CABIN1: variants seen among roughly 807,000 people sequenced by gnomAD.
CABIN1 encodes calcineurin binding protein 1.
CABIN1 carries 133 observed loss-of-function variants against 227.7 expected under a neutral mutation model. That is an observed-to-expected ratio of 0.58 (90% CI 0.51 to 0.67). The LOEUF (loss-of-function observed/expected upper bound fraction) is 0.67, where lower values mean the gene tolerates loss of function less well. Ranked by LOEUF, CABIN1 falls within the 30% of genes least tolerant of loss-of-function variation. The pLI is 0.00. For missense variants in CABIN1, 2,408 were observed against 2,852.5 expected, an observed-to-expected ratio of 0.84 and a Z score of 3.55; for synonymous variants, 1,086 against 1,155.1, an observed-to-expected ratio of 0.94 and a Z score of 1.21.
At chr22:24,106,055 C>T (rs1004483882) in intron 26 of CABIN1, among the ~76,000 whole-genome samples, 6 of 152,230 alleles carry the variant, frequency 3.9e-5, no homozygotes, top group Non-Finnish European at 8.8e-5. Context: ...TCCCTCTCCA[C>T]ACATACTCAA....
intron 1 of CABIN1, among the ~76,000 whole-genome samples, chr22:24,013,070 T>G (rs1316880525): frequency 1.4e-5 from 2 of 147,584 alleles, no homozygotes; most frequent in Non-Finnish European, 3.0e-5. Context: ...CTCAATAGCT[T>G]TTTTTTTTTT....
chr22:24,033,615 G>A (rs1463441548), intron 1 of CABIN1, among the ~76,000 whole-genome samples: 1 of 152,096 alleles, frequency 6.6e-6, no homozygotes, highest in African/African-American at 2.4e-5. Context: ...GACGTATTTG[G>A]TAGTGTCCAT....
intron 29 of CABIN1, among the ~76,000 whole-genome samples, chr22:24,141,153 A>G (rs1182373497): frequency 1.3e-5 from 2 of 152,206 alleles, no homozygotes; most frequent in Non-Finnish European, 2.9e-5. Flanking sequence ...GAGCAGGAGG[A>G]GCTCCAACTC....
rs534384469 is a variant in CABIN1, at chr22:24,063,140, G to A, written c.1878G>A (p.Ala626=). Residue 626 remains alanine, a synonymous_variant, in exon 14 of 37, where the codon GCG becomes GCA. Coordinates refer to ENST00000263119, the MANE Select transcript of CABIN1 (RefSeq NM_012295.4). ...ACTGGCTGAAGGCTCGCTTCCTGGC[G>A]CTGCAGGTTAGTTCCATGGTCAGCT... ...RVYWLKARFL[A]LQGDMEQALE... is the part of the protein sequence containing the mutation. 14 of 1,614,080 alleles carry A rather than the reference G, an allele frequency of 8.7e-6. No individual in the cohort carries two copies. The South Asian group carries it at 1.3e-4, about 15-fold the overall frequency.
chr22:24,041,419 A>C, intron 5 of CABIN1, 146 bp downstream of exon 5: 1 of 1,019,042 alleles, frequency 9.8e-7, no homozygotes, highest in Non-Finnish European at 1.5e-6. Flanking sequence ...GTAGGTCCAT[A>C]GGTGATAACA....
At chr22:24,097,878 A>G (rs2041985819) in intron 25 of CABIN1, 136 bp from the exon 26 acceptor site, 1 of 1,099,412 alleles carries the variant, frequency 9.1e-7, no homozygotes, top group Non-Finnish European at 1.4e-6. Flanking sequence ...CTGTGACACC[A>G]GGCAGATGGG....
intron 25 of CABIN1, among the ~76,000 whole-genome samples, chr22:24,097,397 A>G (rs1379380498): frequency 6.6e-6 from 1 of 152,234 alleles, no homozygotes; most frequent in Non-Finnish European, 1.5e-5. Flanking sequence ...AATGAACTAC[A>G]GAAGGTATTG....
intron 29 of CABIN1, among the ~76,000 whole-genome samples, chr22:24,156,937 G>A (rs1372629490): frequency 6.6e-6 from 1 of 152,184 alleles, no homozygotes; most frequent in Admixed American, 6.5e-5. Context: ...CTGGAAACGA[G>A]CGGGCGCCAG....
chr22:24,146,662 G>A (rs1276504013), intron 29 of CABIN1, among the ~76,000 whole-genome samples: 1 of 152,186 alleles, frequency 6.6e-6, no homozygotes, highest in Non-Finnish European at 1.5e-5. Flanking sequence ...TTCACAGTTA[G>A]AATTTTTAAA....
chr22:24,044,457 C>G (rs1370482224), intron 6 of CABIN1, among the ~76,000 whole-genome samples: 7 of 152,194 alleles, frequency 4.6e-5, no homozygotes, highest in African/African-American at 1.4e-4. Flanking sequence ...AATTGTTGGT[C>G]AGTCACACTC....
chr22:24,069,340 A>G (rs769160920), intron 16 of CABIN1, among the ~76,000 whole-genome samples: 1 of 151,954 alleles, frequency 6.6e-6, no homozygotes, highest in Non-Finnish European at 1.5e-5. Flanking sequence ...CTGAGTTCCC[A>G]TTATTTCTTG....
intron 33 of CABIN1, among the ~76,000 whole-genome samples, chr22:24,170,821 G>C (rs989459746): frequency 6.6e-6 from 1 of 151,730 alleles, no homozygotes; most frequent in African/African-American, 2.4e-5. Context: ...ACTCGAGGGG[G>C]TGGGGATGGG....
At position 24,123,550 on chromosome 22, in the gene CABIN1, A is replaced by T. The variant is rs142815305; in HGVS notation, c.4632+3852A>T. ...ACCACCAAATTGAATGCAGGTTGTT[A>T]ACACCTAGCTCCCCTGAGAGCCTGA... On this transcript the variant is annotated intron_variant, in intron 28 of 36. Coordinates refer to ENST00000263119, the MANE Select transcript of CABIN1 (RefSeq NM_012295.4). Among the ~76,000 whole-genome samples, 154 of 152,298 alleles carry T rather than the reference A, an allele frequency of 1.0e-3. No individual in the cohort carries two copies. The East Asian group carries it at 0.029, about 29-fold the overall frequency.
rs371614207 is a variant in CABIN1 at position 24,094,647 on chromosome 22, C to G, written c.3787-1284C>G. Among the ~76,000 whole-genome samples, 91 of 151,468 alleles carry G rather than the reference C, an allele frequency of 6.0e-4. 1 individual carries two copies. In the South Asian group the frequency reaches 0.018, roughly 30 times the overall value. ...CCTGGCTAACAAGGTGAAACCCCGT[C>G]TCTACTAAAAATACAAAAAATTAGC... On this transcript the variant is annotated intron_variant, in intron 24 of 36. Transcript: ENST00000263119.
At chr22:24,134,019 G>T (rs1201927427) in intron 28 of CABIN1, among the ~76,000 whole-genome samples, 1 of 152,212 alleles carries the variant, frequency 6.6e-6, no homozygotes, top group African/African-American at 2.4e-5. Context: ...AGGTTTGTAG[G>T]GTTGGTCAGG....
In CABIN1 at chr22:24,105,024, T is replaced by C. The variant is rs561807748; in HGVS notation, c.4117+6832T>C. On this transcript the variant is annotated intron_variant, in intron 26 of 36. Coordinates refer to ENST00000263119, the MANE Select transcript of CABIN1 (RefSeq NM_012295.4). ...ACACACTTAAAGAGACACTGGAAAG[T>C]TGCATCTTGTAACTAAAGAGCTCTT... Among the ~76,000 whole-genome samples, 7 of 152,324 alleles carry C rather than the reference T, an allele frequency of 4.6e-5. No individual in the cohort carries two copies. The East Asian group carries it at 1.3e-3, about 29-fold the overall frequency.
chr22:24,085,105 A>T lies in CABIN1; in HGVS notation c.3217A>T (p.Lys1073Ter), dbSNP rs761976913. 6.2e-7 allele frequency: 1 copy of T among 1,614,214 alleles called. No individual in the cohort carries two copies. Among genetic ancestry groups the T allele is most frequent in the South Asian group, 1.1e-5 (1 of 91,080 alleles). The change falls in exon 22 of 37, where the codon AAG becomes TAG. Residue 1073 changes from lysine to a stop codon, truncating the protein, a stop_gained. Transcript: ENST00000263119. LOFTEE classifies it high-confidence loss of function. ...TCATTTCAAAAACAAGGAGCAGTCCAAGGCCATCAAGTTCTACATGCATGA... is the reference window on the plus strand; with the variant it reads ...TCATTTCAAAAACAAGGAGCAGTCCTAGGCCATCAAGTTCTACATGCATGA... ...DYHFKNKEQS[K>*]AIKFYMHDIC...
chr22:24,164,480 G>A lies in CABIN1; in HGVS notation c.4827G>A (p.Leu1609=). ...AWHMNRSIVL[L]LKVLAQLRDH... ...ACATGAACCGCTCCATCGTGCTGCT[G>A]CTCAAGGTGCTGGCCCAGCTGCGGG... Residue 1609 remains leucine (L), a synonymous_variant, in exon 30 of 37, where the codon CTG becomes CTA. Coordinates refer to ENST00000263119, the MANE Select transcript of CABIN1 (RefSeq NM_012295.4). The A allele has an allele frequency of 1.9e-6, 3 of 1,606,200 alleles. No homozygotes were observed. Among genetic ancestry groups the A allele is most frequent in the Non-Finnish European group, 1.7e-6 (2 of 1,179,976 alleles).
At position 24,161,496 on chromosome 22, in the gene CABIN1, G is replaced by A. The variant is rs564509501; in HGVS notation, c.4747-2904G>A. Among the ~76,000 whole-genome samples the A allele has an allele frequency of 2.0e-5, 3 of 152,240 alleles. No homozygotes were observed. In the East Asian group the frequency reaches 5.8e-4, roughly 29 times the overall value. On this transcript the variant is annotated intron_variant, in intron 29 of 36. Coordinates refer to ENST00000263119, the MANE Select transcript of CABIN1 (RefSeq NM_012295.4). Reference sequence around the variant, plus strand: ...CAGGGCTGAGGGAGAACTAGGAGAGGGCCAGAGGAGACCCTCCTCGCGGCG... The same window carrying A: ...CAGGGCTGAGGGAGAACTAGGAGAGAGCCAGAGGAGACCCTCCTCGCGGCG...
Sources: gnomAD v4.1 joint callset for allele counts (sites outside exome capture counted in the v4.1 genomes callset) on GRCh38, gnomAD v4.1.1 for gene constraint, MANE v1.5 for transcripts, NCBI Gene and HGNC (gene_info 2026-07-23, HGNC 2026-07-21) for gene names.